ANKFN1: variants seen among roughly 807,000 people sequenced by gnomAD.
ANKFN1 encodes the protein ankyrin repeat and fibronectin type III domain containing 1, also known as ankyrin repeat and fibronectin type-III domain-containing protein 1.
A neutral mutation model predicts 108.7 loss-of-function variants in ANKFN1; 74 were observed. The ratio of observed to expected loss-of-function variants is 0.68; its 90% CI spans 0.56 to 0.83. The LOEUF (loss-of-function observed/expected upper bound fraction) is 0.83. Ranked by LOEUF, ANKFN1 falls within the 40% of genes least tolerant of loss-of-function variation. The pLI is 0.00. For missense variants in ANKFN1, 1,505 were observed against 1,382.3 expected, an observed-to-expected ratio of 1.09 and a Z score of -1.41; for synonymous variants, 547 against 516.2, an observed-to-expected ratio of 1.06 and a Z score of -0.81.
At chr17:56,049,480 C>T (rs1250504126) in intron 4 of ANKFN1, among the ~76,000 whole-genome samples, 6 of 151,566 alleles carry the variant, frequency 4.0e-5, no homozygotes, top group Admixed American at 1.3e-4. Context: ...CATGCTGGTG[C>T]GCTGCACCCA....
chr17:56,467,707 AAGAG>A (rs1314961089), intron 15 of ANKFN1, among the ~76,000 whole-genome samples: 3 of 149,532 alleles, frequency 2.0e-5, no homozygotes, highest in Admixed American at 1.3e-4. Context: ...AAAGAAAAGA[AAGAG>A]AGAGAAAGAA....
chr17:56,259,942 A>G (rs1411305658), intron 3 of ANKFN1, among the ~76,000 whole-genome samples: 2 of 150,536 alleles, frequency 1.3e-5, no homozygotes, highest in African/African-American at 5.0e-5. Flanking sequence ...ACACACACAC[A>G]CACACTCTTT....
chr17:56,431,408 A>G (rs2048749893), intron 8 of ANKFN1, among the ~76,000 whole-genome samples: 1 of 152,190 alleles, frequency 6.6e-6, no homozygotes, highest in African/African-American at 2.4e-5. Flanking sequence ...GGGTAAATGC[A>G]GGGAATAATA....
At chr17:56,201,198 C>G (rs551006689) in intron 1 of ANKFN1, among the ~76,000 whole-genome samples, 1 of 152,286 alleles carries the variant, frequency 6.6e-6, no homozygotes, top group South Asian at 2.1e-4. Context: ...GGATACCTCT[C>G]AAGCACTCTC....
chr17:56,085,553 T>A (rs1905301406), intron 4 of ANKFN1, among the ~76,000 whole-genome samples: 2 of 151,202 alleles, frequency 1.3e-5, no homozygotes, highest in African/African-American at 4.9e-5. Flanking sequence ...GAATAAATTT[T>A]TATTGTTTTA....
chr17:56,335,034 G>A (rs143308323), intron 4 of ANKFN1, among the ~76,000 whole-genome samples: 10 of 152,182 alleles, frequency 6.6e-5, no homozygotes, highest in African/African-American at 2.2e-4. Flanking sequence ...TCAGATGGTC[G>A]TACATGTGTG....
upstream of ANKFN1, among the ~76,000 whole-genome samples, chr17:56,151,327 T>G (rs1908591564): frequency 6.6e-6 from 1 of 152,208 alleles, no homozygotes; most frequent in Admixed American, 6.5e-5. Flanking sequence ...CATCATCCCC[T>G]GAAGAAAATA....
At chr17:56,138,510 TTC>T (rs1434973882) in intron 4 of ANKFN1, among the ~76,000 whole-genome samples, 1 of 136,382 alleles carries the variant, frequency 7.3e-6, no homozygotes, top group Non-Finnish European at 1.6e-5. Context: ...TTTTTTTCTT[TTC>T]TTTTTTTTTT....
At chr17:56,225,645 T>C (rs796384211) in intron 2 of ANKFN1, among the ~76,000 whole-genome samples, 4 of 152,242 alleles carry the variant, frequency 2.6e-5, no homozygotes, top group African/African-American at 9.6e-5. Context: ...GGCCTCTCTT[T>C]CTCCTTTAAG....
intron 1 of ANKFN1, among the ~76,000 whole-genome samples, chr17:56,160,856 A>G (rs1205254644): frequency 6.6e-6 from 1 of 152,204 alleles, no homozygotes; most frequent in Non-Finnish European, 1.5e-5. Context: ...GTGAAGAAGG[A>G]ATGATCAAAT....
intron 14 of ANKFN1, among the ~76,000 whole-genome samples, chr17:56,464,062 T>G (rs1324682005): frequency 6.6e-6 from 1 of 152,248 alleles, no homozygotes; most frequent in African/African-American, 2.4e-5. Context: ...ATTTTTGCTT[T>G]AGGCCCTAAA....
At chr17:56,373,451 A>G (rs183650903) in intron 7 of ANKFN1, among the ~76,000 whole-genome samples, 1 of 152,362 alleles carries the variant, frequency 6.6e-6, no homozygotes, top group African/African-American at 2.4e-5. Flanking sequence ...TCCTGATACA[A>G]AAACAAAATA....
At chr17:56,101,924 G>C (rs1208718616) in intron 4 of ANKFN1, among the ~76,000 whole-genome samples, 1 of 152,172 alleles carries the variant, frequency 6.6e-6, no homozygotes, top group Non-Finnish European at 1.5e-5. Flanking sequence ...AAGCAACTGA[G>C]ATGCTCCCTC....
At chr17:56,137,452 A>T (rs1598127555) in intron 4 of ANKFN1, among the ~76,000 whole-genome samples, 1 of 152,132 alleles carries the variant, frequency 6.6e-6, no homozygotes, top group Non-Finnish European at 1.5e-5. Flanking sequence ...CCTCGTAGAA[A>T]CTTCCAATCT....
At chr17:56,139,070 T>A (rs763883184) in intron 4 of ANKFN1, among the ~76,000 whole-genome samples, 7 of 152,228 alleles carry the variant, frequency 4.6e-5, no homozygotes, top group Non-Finnish European at 7.3e-5. Context: ...TCAGAAGCTA[T>A]CCAAATTTAC....
intron 4 of ANKFN1, among the ~76,000 whole-genome samples, chr17:56,094,453 CTCAG>C: frequency 4.5e-5 from 1 of 22,358 alleles, no homozygotes; most frequent in South Asian, 1.7e-3. Context: ...TAAATACTGT[CTCAG>C]TTCTCAGTTG....
chr17:56,291,272 G>A (rs2044356169), intron 3 of ANKFN1, among the ~76,000 whole-genome samples: 1 of 152,088 alleles, frequency 6.6e-6, no homozygotes, highest in African/African-American at 2.4e-5. Context: ...TTCCTTGTCT[G>A]GGATGGTATT....
chr17:56,204,999 C>A lies in ANKFN1; in HGVS notation c.-70-7599C>A, dbSNP rs971598847. 3.3e-5 allele frequency among the ~76,000 whole-genome samples: 5 copies of A among 152,244 alleles called. No individual in the cohort carries two copies. The East Asian group carries it at 9.7e-4, about 29-fold the overall frequency. ...GCTGAGGCAGGGGAATGGTGTGAAC[C>A]CGGGAGGCGGAGCTAGCAGTGAGCC... On this transcript the variant is annotated intron_variant, in intron 1 of 20. Transcript: ENST00000682825.
intron 4 of ANKFN1, among the ~76,000 whole-genome samples, chr17:56,091,297 A>T (rs1905411788): frequency 6.6e-6 from 1 of 151,308 alleles, no homozygotes; most frequent in African/African-American, 2.4e-5. Flanking sequence ...TGTAGGCATG[A>T]TACAATAAGG....
Sources: allele counts gnomAD v4.1 joint callset (sites outside exome capture counted in the v4.1 genomes callset), GRCh38; gene constraint gnomAD v4.1.1; transcripts MANE v1.5; gene names NCBI Gene and HGNC (gene_info 2026-07-23, HGNC 2026-07-21).